Variants in GRM7 observed in about 807,000 individuals in gnomAD.
The protein encoded by GRM7 is metabotropic glutamate receptor 7.
In GRM7, 35 loss-of-function variants were observed where a neutral mutation model predicts 84.5. That is an observed-to-expected ratio of 0.41 (90% CI 0.32 to 0.55). The LOEUF is 0.55. GRM7 is among the 20% of genes least tolerant of loss of function. GRM7 has a pLI of 0.19. For missense variants in GRM7, 1,003 were observed against 1,194.6 expected, an observed-to-expected ratio of 0.84 and a Z score of 2.36; for synonymous variants, 487 against 455.1, an observed-to-expected ratio of 1.07 and a Z score of -0.89.
At chr3:7,474,593 T>C (rs1408167903) in intron 7 of GRM7, among the ~76,000 whole-genome samples, 3 of 152,214 alleles carry the variant, frequency 2.0e-5, no homozygotes, top group African/African-American at 7.2e-5. Flanking sequence ...TGCACAGCTG[T>C]ACAGCTAACT....
intron 2 of GRM7, among the ~76,000 whole-genome samples, chr3:7,169,190 G>A (rs1210564865): frequency 6.6e-6 from 1 of 152,194 alleles, no homozygotes; most frequent in East Asian, 1.9e-4. Flanking sequence ...CAAATGCATA[G>A]GGGTGCATTT....
chr3:6,934,194 A>G (rs1697606042), intron 1 of GRM7, among the ~76,000 whole-genome samples: 1 of 152,200 alleles, frequency 6.6e-6, no homozygotes, highest in Non-Finnish European at 1.5e-5. Context: ...AAGGCCTTGA[A>G]ACTTTCAGTG....
chr3:7,659,805 T>C (rs1316186276), intron 8 of GRM7, among the ~76,000 whole-genome samples: 1 of 152,192 alleles, frequency 6.6e-6, no homozygotes, highest in Non-Finnish European at 1.5e-5. Context: ...AGGATTTTGT[T>C]TTCCTATTCT....
At chr3:6,963,329 A>G (rs763063198) in intron 1 of GRM7, among the ~76,000 whole-genome samples, 1 of 152,224 alleles carries the variant, frequency 6.6e-6, no homozygotes, top group Admixed American at 6.5e-5. Context: ...CTACTATATA[A>G]TTAAGAACAA....
intron 1 of GRM7, among the ~76,000 whole-genome samples, chr3:6,886,908 G>A (rs1470124537): frequency 1.3e-5 from 2 of 151,062 alleles, no homozygotes; most frequent in Non-Finnish European, 2.9e-5. Flanking sequence ...TTTTTTTTCA[G>A]AGGACATTGA....
chr3:7,313,647 A>T (rs1700483829), intron 4 of GRM7, among the ~76,000 whole-genome samples: 1 of 152,196 alleles, frequency 6.6e-6, no homozygotes, highest in Admixed American at 6.5e-5. Context: ...TCATTACTGT[A>T]GAGTGAAAGT....
chr3:7,738,330 T>C (rs981050302), intron 9 of GRM7, among the ~76,000 whole-genome samples: 3 of 152,154 alleles, frequency 2.0e-5, no homozygotes, highest in African/African-American at 4.8e-5. Context: ...TAGTTCTGGA[T>C]TGCTTGTTCC....
intron 4 of GRM7, among the ~76,000 whole-genome samples, chr3:7,332,317 A>G (rs1286933906): frequency 1.3e-5 from 2 of 152,184 alleles, no homozygotes; most frequent in Non-Finnish European, 2.9e-5. Flanking sequence ...AAGAAATAGA[A>G]CTAAGATCAT....
chr3:6,966,110 C>G (rs903793432), intron 1 of GRM7, among the ~76,000 whole-genome samples: 1 of 152,168 alleles, frequency 6.6e-6, no homozygotes, highest in Non-Finnish European at 1.5e-5. Flanking sequence ...TCTCTCCCAG[C>G]CCAGGTCCTT....
chr3:7,006,520 A>C (rs535547217), intron 1 of GRM7, among the ~76,000 whole-genome samples: 1 of 152,282 alleles, frequency 6.6e-6, no homozygotes, highest in South Asian at 2.1e-4. Context: ...GGCTGCTGGG[A>C]AGCCCAAAGA....
intron 2 of GRM7, among the ~76,000 whole-genome samples, chr3:7,174,910 A>C (rs946605654): frequency 5.9e-5 from 9 of 152,320 alleles, no homozygotes; most frequent in Non-Finnish European, 7.3e-5. Flanking sequence ...TTTATTTTTC[A>C]GTAAAATGAG....
intron 4 of GRM7, among the ~76,000 whole-genome samples, chr3:7,312,202 G>A (rs965924893): frequency 1.1e-4 from 16 of 152,086 alleles, no homozygotes; most frequent in African/African-American, 3.6e-4. Context: ...AATGATGAGC[G>A]ATGCCCTGTC....
chr3:7,651,697 C>T (rs1698947542), intron 8 of GRM7, among the ~76,000 whole-genome samples: 1 of 152,200 alleles, frequency 6.6e-6, no homozygotes, highest in Non-Finnish European at 1.5e-5. Context: ...TGTCTTGCTG[C>T]AATTGTTAAG....
chr3:7,057,274 G>A lies in GRM7; in HGVS notation c.520-89178G>A, dbSNP rs188282949. On this transcript the variant is annotated intron_variant, in intron 1 of 9. Coordinates refer to ENST00000357716, the MANE Select transcript of GRM7 (RefSeq NM_000844.4). ...AAGTTCATTTAATTACAATAGTTAC[G>A]AATATTACCTCTGATATCTGTTTAC... is the stretch of plus-strand genomic sequence containing the variant. Among the ~76,000 whole-genome samples the A allele has an allele frequency of 2.4e-3, 367 of 151,920 alleles. 1 individual carries two copies. The highest frequency in any genetic ancestry group is 8.5e-3 in the African/African-American group (354 of 41,484).
chr3:7,182,126 T>C (rs1173317507), intron 2 of GRM7, among the ~76,000 whole-genome samples: 2 of 152,190 alleles, frequency 1.3e-5, no homozygotes, highest in Non-Finnish European at 2.9e-5. Context: ...TCTCTACTTA[T>C]TTCATTGTCC....
At chr3:6,914,495 C>T (rs895547041) in intron 1 of GRM7, among the ~76,000 whole-genome samples, 4 of 151,958 alleles carry the variant, frequency 2.6e-5, no homozygotes, top group Non-Finnish European at 4.4e-5. Context: ...CTCTGCCTCC[C>T]GGGTTCAAGT....
chr3:7,061,169 G>T (rs1012538186), intron 1 of GRM7, among the ~76,000 whole-genome samples: 5 of 151,694 alleles, frequency 3.3e-5, no homozygotes. Flanking sequence ...ATCTCCATAA[G>T]GCTGTTCATA....
chr3:7,101,365 T>G (rs141766276), intron 1 of GRM7, among the ~76,000 whole-genome samples: 3 of 151,860 alleles, frequency 2.0e-5, no homozygotes, highest in Admixed American at 6.6e-5. Flanking sequence ...TAACTTGCAT[T>G]TCTGTGTTTG....
rs1036063171 is a variant in GRM7 at position 7,188,487 on chromosome 3, A to G, written c.736+41819A>G. ...TTTTAAAGAAAGTAATTTGAAAAGTAAAGTAAAATACCCATCAGAGGCCTC... is the reference window on the plus strand; with the variant it reads ...TTTTAAAGAAAGTAATTTGAAAAGTGAAGTAAAATACCCATCAGAGGCCTC... On this transcript the variant is annotated intron_variant, in intron 2 of 9. Coordinates refer to ENST00000357716, the MANE Select transcript of GRM7 (RefSeq NM_000844.4). The surrounding 1 kb of genome is among the most constrained non-coding windows in gnomAD (Gnocchi z 4.2). Among the ~76,000 whole-genome samples the G allele has an allele frequency of 3.3e-5, 5 of 152,172 alleles. No homozygotes were observed. Among genetic ancestry groups the G allele is most frequent in the African/African-American group, 1.2e-4 (5 of 41,432 alleles).
Sources: allele counts gnomAD v4.1 joint callset (sites outside exome capture counted in the v4.1 genomes callset), GRCh38; gene constraint gnomAD v4.1.1; non-coding constraint Gnocchi (gnomAD v3.1); transcripts MANE v1.5; gene names NCBI Gene and HGNC (gene_info 2026-07-23, HGNC 2026-07-21).